The following WDR72 variants were observed in gnomAD, a reference collection of about 807,000 sequenced individuals.
WDR72 encodes the protein WD repeat domain 72, also known as WD repeat-containing protein 72.
WDR72 carries 120 observed loss-of-function variants against 124.2 expected under a neutral mutation model. The ratio of observed to expected loss-of-function variants is 0.97; its 90% confidence interval spans 0.83 to 1.12. WDR72 has a LOEUF of 1.12. Among genes scored for constraint, WDR72 ranks in the 50% most tolerant of loss-of-function variants. The pLI is 0.00. For missense variants in WDR72, 1,387 were observed against 1,278.8 expected, an observed-to-expected ratio of 1.08 and a Z score of -1.29; for synonymous variants, 452 against 441.7, an observed-to-expected ratio of 1.02 and a Z score of -0.29.
chr15:53,690,709 A>G (rs926072361), intron 13 of WDR72, among the ~76,000 whole-genome samples: 3 of 152,188 alleles, frequency 2.0e-5, no homozygotes, highest in Non-Finnish European at 4.4e-5. Flanking sequence ...TCCTCCATTG[A>G]TGGACATTTA....
chr15:53,749,122 C>G (rs913728095), intron 1 of WDR72, among the ~76,000 whole-genome samples: 31 of 152,094 alleles, frequency 2.0e-4, no homozygotes, highest in East Asian at 1.2e-3. Flanking sequence ...AAGGATTTCC[C>G]CCAGGGGAGG....
At chr15:53,721,873 G>A (rs1348034396) in intron 3 of WDR72, among the ~76,000 whole-genome samples, 4 of 151,964 alleles carry the variant, frequency 2.6e-5, no homozygotes, top group Non-Finnish European at 4.4e-5. Context: ...TTCCATCAGT[G>A]GAACTTTTTC....
intron 18 of WDR72, among the ~76,000 whole-genome samples, chr15:53,531,119 G>T (rs1892437220): frequency 6.6e-6 from 1 of 152,092 alleles, no homozygotes; most frequent in African/African-American, 2.4e-5. Context: ...TAAGAAGGAT[G>T]CAAGGAAGAA....
intron 1 of WDR72, among the ~76,000 whole-genome samples, chr15:53,740,421 C>T (rs1470812746): frequency 6.6e-6 from 1 of 151,922 alleles, no homozygotes; most frequent in Non-Finnish European, 1.5e-5. Flanking sequence ...CATTCTCTTG[C>T]CTCAGTCTCC....
intron 14 of WDR72, among the ~76,000 whole-genome samples, chr15:53,647,660 T>C (rs557026168): frequency 6.6e-6 from 1 of 152,264 alleles, no homozygotes; most frequent in African/African-American, 2.4e-5. Flanking sequence ...TGTCTCTGTG[T>C]AACAATCAAG....
At chr15:53,737,165 T>C (rs2018380891) in intron 1 of WDR72, among the ~76,000 whole-genome samples, 1 of 152,166 alleles carries the variant, frequency 6.6e-6, no homozygotes, top group African/African-American at 2.4e-5. Flanking sequence ...ATTGGGAAAC[T>C]GGTTGATTCC....
chr15:53,629,468 A>T (rs1350435536), intron 14 of WDR72, among the ~76,000 whole-genome samples: 1 of 150,604 alleles, frequency 6.6e-6, no homozygotes, highest in Non-Finnish European at 1.5e-5. Context: ...ATGACCACGA[A>T]GTTATGGAAG....
chr15:53,702,087 T>C, intron 12 of WDR72, 47 bp downstream of exon 12: 1 of 1,412,406 alleles, frequency 7.1e-7, no homozygotes, highest in Non-Finnish European at 9.8e-7. Context: ...ATTCTATAAT[T>C]TATATAATTT....
At chr15:53,595,122 G>A (rs748717090) in intron 18 of WDR72, among the ~76,000 whole-genome samples, 2 of 152,010 alleles carry the variant, frequency 1.3e-5, no homozygotes, top group Non-Finnish European at 2.9e-5. Context: ...AACATATAAA[G>A]TAGGTGTAAT....
At chr15:53,641,345 C>CTG (rs1464484360) in intron 14 of WDR72, among the ~76,000 whole-genome samples, 1 of 151,628 alleles carries the variant, frequency 6.6e-6, no homozygotes, top group East Asian at 1.9e-4. Context: ...TACTATTTTA[C>CTG]TGTGTGTGTA....
At chr15:53,660,671 TTAGA>T (rs1304808638) in intron 14 of WDR72, among the ~76,000 whole-genome samples, 4 of 152,130 alleles carry the variant, frequency 2.6e-5, no homozygotes, top group African/African-American at 7.2e-5. Flanking sequence ...TTTTATATGC[TTAGA>T]TAAAGATGCA....
In WDR72 at chr15:53,699,901, G is replaced by A. The variant is rs146989277; in HGVS notation, c.1614C>T (p.Ser538=). Residue 538 remains serine, a synonymous_variant, in exon 13 of 20, where the codon TCC becomes TCT. Transcript: ENST00000360509. ...TTCCCTCAAGGTGAAGGAGAGCCAC[G>A]GAATGGTCACCGCACACACAGCAAA... is the stretch of plus-strand genomic sequence containing the variant. ...QIICCVCGDH[S]VALLHLEGKS... The A allele has an allele frequency of 1.5e-5, 24 of 1,614,020 alleles. No individual in the cohort carries two copies. The highest frequency in any genetic ancestry group is 9.3e-5 in the African/African-American group (7 of 74,906).
At position 53,665,746 on chromosome 15, in the gene WDR72, T is replaced by G. The variant is rs778324623; in HGVS notation, c.1788A>C (p.Thr596=). 6.2e-7 allele frequency: 1 copy of G among 1,613,792 alleles called. No individual in the cohort carries two copies. The highest frequency in any genetic ancestry group is 1.7e-5 in the Admixed American group (1 of 59,958). Residue 596 remains threonine (T), a synonymous_variant, in exon 14 of 20, where the codon ACA becomes ACC. Transcript: ENST00000360509. ...IETGTLERHE[T]GERARIILNC... ...TAAGAATAATTCGTGCTCTTTCTCC[T>G]GTCTCATGTCTTTCCAAAGTGCCTG...
At chr15:53,625,354 G>A (rs527592102) in intron 14 of WDR72, among the ~76,000 whole-genome samples, 14 of 152,212 alleles carry the variant, frequency 9.2e-5, no homozygotes, top group African/African-American at 3.1e-4. Context: ...CATAGACAAG[G>A]TCCTGGTATT....
chr15:53,673,576 A>G (rs768715083), intron 13 of WDR72, among the ~76,000 whole-genome samples: 3 of 152,248 alleles, frequency 2.0e-5, no homozygotes, highest in Non-Finnish European at 4.4e-5. Context: ...CATCCAAAGC[A>G]CATATATTGT....
chr15:53,576,382 A>T (rs1484072888), intron 18 of WDR72, among the ~76,000 whole-genome samples: 2 of 152,162 alleles, frequency 1.3e-5, no homozygotes, highest in African/African-American at 4.8e-5. Flanking sequence ...GGATGTTCAG[A>T]AAAGAGAAGT....
chr15:53,668,763 G>A (rs974003525), intron 13 of WDR72, among the ~76,000 whole-genome samples: 14 of 151,702 alleles, frequency 9.2e-5, no homozygotes, highest in Admixed American at 1.3e-4. Flanking sequence ...AAAATTAGCC[G>A]GACATGGTGG....
intron 6 of WDR72, among the ~76,000 whole-genome samples, chr15:53,713,411 GTATTTTATTTTATTT>G (rs11272007): frequency 1.1e-5 from 1 of 88,626 alleles, no homozygotes; most frequent in African/African-American, 3.8e-5. Flanking sequence ...TTATTTTGTT[GTATTTTATTTTATTT>G]TATTTTATTT....
At chr15:53,656,794 T>A (rs991162550) in intron 14 of WDR72, among the ~76,000 whole-genome samples, 2 of 151,870 alleles carry the variant, frequency 1.3e-5, no homozygotes, top group Non-Finnish European at 2.9e-5. Flanking sequence ...GAGGTAACAT[T>A]TATAATCATT....
Sources: allele counts gnomAD v4.1 joint callset (sites outside exome capture counted in the v4.1 genomes callset), GRCh38; gene constraint gnomAD v4.1.1; transcripts MANE v1.5; gene names NCBI Gene and HGNC (gene_info 2026-07-23, HGNC 2026-07-21).